Variants in SNAP29 observed in about 807,000 individuals in gnomAD.
SNAP29 encodes synaptosome associated protein 29.
In SNAP29, 13 loss-of-function variants were observed where a neutral mutation model predicts 27.9. The observed-to-expected ratio is 0.47, with a 90% CI of 0.30 to 0.74. SNAP29 has a LOEUF of 0.74. Ranked by LOEUF, SNAP29 falls within the 30% of genes least tolerant of loss-of-function variation. The pLI is 0.06. For synonymous variants in SNAP29, 119 were observed against 127.1 expected, an observed-to-expected ratio of 0.94 and a Z score of 0.43; for missense variants, 368 against 336.5, an observed-to-expected ratio of 1.09 and a Z score of -0.73.
chr22:20,865,002 G>A (rs1022896025), intron 1 of SNAP29, among the ~76,000 whole-genome samples: 4 of 152,190 alleles, frequency 2.6e-5, no homozygotes, highest in African/African-American at 7.2e-5. Flanking sequence ...CATACTCACC[G>A]CTAGGTCTGT....
At chr22:20,873,963 T>G (rs1450794178) in intron 2 of SNAP29, among the ~76,000 whole-genome samples, 2 of 27,216 alleles carry the variant, frequency 7.3e-5, no homozygotes, top group African/African-American at 1.4e-4. Flanking sequence ...AGACTCTGTC[T>G]CAAAAAAAAA....
chr22:20,865,326 G>GCCTGGGTGA (rs1288496095), intron 1 of SNAP29, among the ~76,000 whole-genome samples: 1 of 151,960 alleles, frequency 6.6e-6, no homozygotes, highest in African/African-American at 2.4e-5. Flanking sequence ...CTGTATTCCA[G>GCCTGGGTGA]CCTGGGTGAC....
intron 2 of SNAP29, among the ~76,000 whole-genome samples, chr22:20,878,921 T>C (rs1032896237): frequency 1.3e-5 from 2 of 152,174 alleles, no homozygotes; most frequent in Non-Finnish European, 2.9e-5. Context: ...GTCAGCAAAC[T>C]AGGCCACGGA....
In SNAP29 at chr22:20,890,033, C is replaced by A. The variant is rs1929112123; in HGVS notation, c.*2197C>A. 1 of 380,292 alleles carries A rather than the reference C, an allele frequency of 2.6e-6. No homozygotes were observed. Among genetic ancestry groups the A allele is most frequent in the Non-Finnish European group, 4.6e-6 (1 of 215,398 alleles). 23.6% of individuals were successfully genotyped at this position (380,292 alleles called of 1,614,324 possible). A position where few individuals can be genotyped will look rare whatever the true frequency, so the allele number is the denominator to read the frequency against. ...TGTCTTCGTCTGACATATTAGAGGG[C>A]CTCGTTTTGTCCTGTTCTTGTTCAG... is the stretch of plus-strand genomic sequence containing the variant. On this transcript the variant is annotated 3_prime_UTR_variant, in exon 5 of 5. Transcript: ENST00000215730.
intron 1 of SNAP29, 49 bp downstream of exon 1, chr22:20,859,396 A>C (rs1454200195): frequency 8.7e-6 from 11 of 1,270,952 alleles, no homozygotes; most frequent in Non-Finnish European, 1.3e-5. Flanking sequence ...CTGTGCTGTC[A>C]AACGGAGACG....
chr22:20,860,313 T>G (rs562852681), intron 1 of SNAP29, among the ~76,000 whole-genome samples: 1 of 150,956 alleles, frequency 6.6e-6, no homozygotes, highest in African/African-American at 2.4e-5. Context: ...GCTGAGATCG[T>G]GCTGCTGCAC....
intron 3 of SNAP29, among the ~76,000 whole-genome samples, chr22:20,881,714 G>A (rs1034901795): frequency 7.2e-5 from 11 of 152,108 alleles, no homozygotes; most frequent in African/African-American, 2.4e-4. Flanking sequence ...TCTCAAAAAA[G>A]AAAATGAGCG....
intron 2 of SNAP29, among the ~76,000 whole-genome samples, chr22:20,877,842 C>T (rs905397588): frequency 2.6e-5 from 4 of 152,212 alleles, no homozygotes; most frequent in African/African-American, 7.2e-5. Flanking sequence ...ATAAAGCCAG[C>T]GTTGAGATGT....
chr22:20,886,999 G>A (rs1191645859), intron 4 of SNAP29, among the ~76,000 whole-genome samples: 2 of 151,940 alleles, frequency 1.3e-5, no homozygotes, highest in Non-Finnish European at 2.9e-5. Flanking sequence ...CAAGACGGGC[G>A]GATCACAAGG....
intron 1 of SNAP29, among the ~76,000 whole-genome samples, chr22:20,866,443 T>C (rs920578574): frequency 1.3e-5 from 2 of 152,258 alleles, no homozygotes; most frequent in African/African-American, 4.8e-5. Flanking sequence ...GGCCTCCGTC[T>C]ACTTATGATG....
At position 20,859,028 on chromosome 22, in the gene SNAP29, T is replaced by G; in HGVS notation, c.-83T>G. 1 of 1,388,952 alleles carries G rather than the reference T, an allele frequency of 7.2e-7. No individual in the cohort carries two copies. Among genetic ancestry groups the G allele is most frequent in the East Asian group, 2.5e-5 (1 of 39,758 alleles). The allele number at this position is 1,388,952 out of a possible 1,614,324, so 86.0% of individuals were successfully genotyped here. ...AGGAGTTCGCGCGACGACCGCGGGG[T>G]CGGCGGGCGGGGCGAGGCCCTGGAC... is the stretch of plus-strand genomic sequence containing the variant. On this transcript the variant is annotated 5_prime_UTR_variant, in exon 1 of 5. Transcript: ENST00000215730.
At chr22:20,871,137 A>T (rs565371083) in intron 2 of SNAP29, 2,767 of 153,560 alleles carry the variant, frequency 0.018, 37 homozygotes, top group Middle Eastern at 0.044. Context: ...AAAAAAAAAA[A>T]AAAAGTCTTT....
rs1019228523 is a variant in SNAP29, at chr22:20,871,611, G to C, written c.434+1078G>C. Among the ~76,000 whole-genome samples the C allele has an allele frequency of 2.6e-5, 4 of 152,202 alleles. No homozygotes were observed. In the East Asian group the frequency reaches 7.7e-4, roughly 29 times the overall value. ...ATACATGAGACTGGGGGCCAGGCAC[G>C]GTGGCTCACGCCTATAATCCTAGCA... On this transcript the variant is annotated intron_variant, in intron 2 of 4. Coordinates refer to ENST00000215730, the MANE Select transcript of SNAP29 (RefSeq NM_004782.4).
At chr22:20,882,530 G>A (rs1302102602) in intron 3 of SNAP29, among the ~76,000 whole-genome samples, 2 of 152,178 alleles carry the variant, frequency 1.3e-5, no homozygotes. Context: ...TGTGGTTGAT[G>A]CAGCTGAGGA....
In SNAP29 at chr22:20,859,333, G is replaced by T; in HGVS notation, c.223G>T (p.Val75Phe). The T allele has an allele frequency of 6.2e-7, 1 of 1,612,876 alleles. No individual in the cohort carries two copies. The highest frequency in any genetic ancestry group is 8.5e-7 in the Non-Finnish European group (1 of 1,179,190). ...CATGTACGAGTCCGAGAAGGTTGGG[G>T]TCGCCTCTTCCGAGGTGAGCCTGGG... ...ALMYESEKVG[V>F]ASSEELARQR... The change falls in exon 1 of 5, where the codon GTC (valine) becomes TTC (phenylalanine). Residue 75 changes from valine to phenylalanine, a missense_variant. Val to Phe is a conservative substitution (Grantham distance 50, BLOSUM62 -1). Transcript: ENST00000215730.
intron 1 of SNAP29, among the ~76,000 whole-genome samples, chr22:20,861,117 G>GTTTTTTTTTTTT (rs1491578419): frequency 1.9e-5 from 2 of 105,028 alleles, no homozygotes; most frequent in African/African-American, 4.7e-5. Flanking sequence ...ACCTCCCTGT[G>GTTTTTTTTTTTT]GTTTTTTTTT....
At chr22:20,874,352 CACACACACACACACACACACACA>C (rs1928683350) in intron 2 of SNAP29, among the ~76,000 whole-genome samples, 2 of 53,670 alleles carry the variant, frequency 3.7e-5, no homozygotes, top group African/African-American at 1.3e-4. Context: ...AAATTAGCCA[CACACACACACACACACACACACA>C]CACACACACA....
intron 3 of SNAP29, among the ~76,000 whole-genome samples, chr22:20,882,442 T>G (rs1234268308): frequency 1.3e-5 from 2 of 152,082 alleles, no homozygotes. Flanking sequence ...ACATTGAAAT[T>G]GGTGCTAGAA....
chr22:20,859,043 A>T lies in SNAP29; in HGVS notation c.-68A>T, dbSNP rs117593372. 8,381 of 1,430,268 alleles carry T rather than the reference A, an allele frequency of 5.9e-3. 70 individuals are homozygous for T. Among genetic ancestry groups the T allele is most frequent in the East Asian group, 0.046 (1,931 of 41,578 alleles). The allele number at this position is 1,430,268 out of a possible 1,614,324, so 88.6% of individuals were successfully genotyped here. ...GACCGCGGGGTCGGCGGGCGGGGCGAGGCCCTGGACGGCGGCGGCAGTGGG... is the reference window on the plus strand; with the variant it reads ...GACCGCGGGGTCGGCGGGCGGGGCGTGGCCCTGGACGGCGGCGGCAGTGGG... On this transcript the variant is annotated 5_prime_UTR_variant, in exon 1 of 5. Transcript: ENST00000215730.
Sources: allele counts gnomAD v4.1 joint callset (sites outside exome capture counted in the v4.1 genomes callset), GRCh38; gene constraint gnomAD v4.1.1; transcripts MANE v1.5; gene names NCBI Gene and HGNC (gene_info 2026-07-23, HGNC 2026-07-21).